ARHGEF28: variants seen among roughly 807,000 people sequenced by gnomAD.
ARHGEF28 encodes 190 kDa guanine nucleotide exchange factor.
ARHGEF28 carries 152 observed loss-of-function variants against 206.6 expected under a neutral mutation model. The ratio of observed to expected loss-of-function variants is 0.74; its 90% CI spans 0.64 to 0.84. The LOEUF is 0.84. Among genes scored for constraint, ARHGEF28 ranks in the 40% least tolerant of loss-of-function variants. ARHGEF28 has a pLI of 0.00. For missense variants in ARHGEF28, 2,028 were observed against 2,073.2 expected (o/e 0.98, Z 0.42); for synonymous variants, 763 against 776.4 (o/e 0.98, Z 0.29).
intron 7 of ARHGEF28, among the ~76,000 whole-genome samples, chr5:73,789,828 A>G (rs1258786184): frequency 6.6e-6 from 1 of 152,112 alleles, no homozygotes; most frequent in Non-Finnish European, 1.5e-5. Context: ...ACAGCTGAGG[A>G]ACCCCAAACT....
chr5:73,743,554 C>T (rs138460806), intron 2 of ARHGEF28, among the ~76,000 whole-genome samples: 79 of 152,262 alleles, frequency 5.2e-4, no homozygotes, highest in African/African-American at 1.9e-3. Flanking sequence ...TCTGATATTT[C>T]CCCCTGGATT....
chr5:73,782,188 C>G (rs1310084809), intron 7 of ARHGEF28, among the ~76,000 whole-genome samples: 1 of 151,096 alleles, frequency 6.6e-6, no homozygotes, highest in African/African-American at 2.4e-5. Context: ...CCTGTAATCC[C>G]AGCACTTTGG....
chr5:73,649,461 T>A (rs747232251), intron 1 of ARHGEF28, among the ~76,000 whole-genome samples: 22 of 152,184 alleles, frequency 1.4e-4, no homozygotes, highest in Non-Finnish European at 2.8e-4. Context: ...AAAACTTTCA[T>A]TGTGGCCCTT....
chr5:73,846,169 C>G lies in ARHGEF28; in HGVS notation c.1428-99C>G, dbSNP rs78289077. 1.7e-3 allele frequency: 1,925 copies of G among 1,110,114 alleles called. 30 individuals carry two copies. The African/African-American group carries it at 0.025, about 14-fold the overall frequency. 68.8% of individuals were successfully genotyped at this position (1,110,114 alleles called of 1,614,324 possible). ...TTAAATGAATACCTATTGCACCCCC[C>G]CCGCCCCAGTGAAAGAATCTGGATT... On this transcript the variant is annotated intron_variant, in intron 11 of 35. Coordinates refer to ENST00000513042, the MANE Select transcript of ARHGEF28 (RefSeq NM_001177693.2).
At chr5:73,895,038 G>A (rs143745602) in intron 29 of ARHGEF28, among the ~76,000 whole-genome samples, 194 of 152,296 alleles carry the variant, frequency 1.3e-3, no homozygotes, top group African/African-American at 4.3e-3. Flanking sequence ...GGTGAGCAGT[G>A]CAGGCGATGA....
At chr5:73,925,724 G>T (rs6453032) in intron 35 of ARHGEF28, among the ~76,000 whole-genome samples, 39,391 of 151,542 alleles carry the variant, frequency 0.26, 7,338 homozygotes, top group East Asian at 0.59. Flanking sequence ...TGCCTTTTGG[G>T]GCCTAGCTTT....
At chr5:73,801,613 G>C (rs1033953649) in intron 9 of ARHGEF28, among the ~76,000 whole-genome samples, 5 of 152,148 alleles carry the variant, frequency 3.3e-5, no homozygotes, top group Admixed American at 2.0e-4. Context: ...AACATGGGAG[G>C]GGGGGACCTT....
chr5:73,918,941 G>A lies in ARHGEF28; in HGVS notation c.4948+7366G>A, dbSNP rs58771254. 7.7e-3 allele frequency among the ~76,000 whole-genome samples: 1,171 copies of A among 152,270 alleles called. 21 individuals are homozygous for A. The highest frequency in any genetic ancestry group is 0.026 in the African/African-American group (1,093 of 41,548). The stretch of plus-strand genomic sequence containing the variant: ...AACATTCTTCTTAGTTGATTCTGAA[G>A]CAGCCAGCCTGACGCATGTCCCCGG... On this transcript the variant is annotated intron_variant, in intron 35 of 35. Transcript: ENST00000513042.
intron 1 of ARHGEF28, among the ~76,000 whole-genome samples, chr5:73,642,987 T>C (rs1744220293): frequency 6.6e-6 from 1 of 152,248 alleles, no homozygotes; most frequent in Admixed American, 6.5e-5. Context: ...TTTATGTCCA[T>C]GACAGCTCCC....
At chr5:73,859,994 T>A (rs535178861) in intron 16 of ARHGEF28, among the ~76,000 whole-genome samples, 2 of 152,380 alleles carry the variant, frequency 1.3e-5, no homozygotes, top group Non-Finnish European at 2.9e-5. Context: ...AGTCACTTTC[T>A]AGTCAAGTCT....
intron 2 of ARHGEF28, among the ~76,000 whole-genome samples, chr5:73,743,035 TATTTG>T (rs1354428042): frequency 6.6e-6 from 1 of 152,168 alleles, no homozygotes; most frequent in East Asian, 1.9e-4. Flanking sequence ...ATTGTTTGTA[TATTTG>T]ATTTAATTAT....
chr5:73,791,855 G>A (rs1289928311), intron 7 of ARHGEF28, among the ~76,000 whole-genome samples: 1 of 152,192 alleles, frequency 6.6e-6, no homozygotes, highest in Non-Finnish European at 1.5e-5. Flanking sequence ...GGGTGGGCTT[G>A]AGGGCAAGAT....
rs560730590 is a variant in ARHGEF28, at chr5:73,768,357, A to G, written c.476-5498A>G. On this transcript the variant is annotated intron_variant, in intron 4 of 35. Transcript: ENST00000513042. ...ACAGACACTCAATATCAGCCCATGA[A>G]AGCAGCTGGGAGGGAGGCTTTACCC... 1.3e-3 allele frequency among the ~76,000 whole-genome samples: 199 copies of G among 152,260 alleles called. 1 individual carries two copies. The highest frequency in any genetic ancestry group is 2.5e-3 in the Non-Finnish European group (171 of 68,024).
chr5:73,725,850 G>C (rs551448327), intron 2 of ARHGEF28, among the ~76,000 whole-genome samples: 1 of 152,198 alleles, frequency 6.6e-6, no homozygotes, highest in Non-Finnish European at 1.5e-5. Context: ...TCTGAGAAGA[G>C]TTTAAAGATT....
chr5:73,751,896 G>C (rs910923319), intron 3 of ARHGEF28, among the ~76,000 whole-genome samples: 1 of 151,950 alleles, frequency 6.6e-6, no homozygotes, highest in East Asian at 1.9e-4. Flanking sequence ...TTCTGTGCCC[G>C]TACCATGAGA....
chr5:73,872,257 A>T (rs777129372), intron 21 of ARHGEF28, among the ~76,000 whole-genome samples: 2 of 152,018 alleles, frequency 1.3e-5, no homozygotes, highest in South Asian at 2.1e-4. Flanking sequence ...GCATCTTTTC[A>T]TGTTCTTATT....
intron 20 of ARHGEF28, among the ~76,000 whole-genome samples, chr5:73,868,758 T>C (rs920140630): frequency 6.6e-6 from 1 of 152,138 alleles, no homozygotes; most frequent in Non-Finnish European, 1.5e-5. Flanking sequence ...GCGATTCTCC[T>C]GCCACAGCCT....
At chr5:73,716,052 G>A (rs561174105) in intron 2 of ARHGEF28, among the ~76,000 whole-genome samples, 2 of 152,294 alleles carry the variant, frequency 1.3e-5, no homozygotes, top group African/African-American at 4.8e-5. Flanking sequence ...AAAACTATAG[G>A]TTTGTTTTGG....
chr5:73,709,787 C>G (rs969805243), intron 2 of ARHGEF28, among the ~76,000 whole-genome samples: 7 of 152,226 alleles, frequency 4.6e-5, no homozygotes, highest in African/African-American at 1.7e-4. Flanking sequence ...CAGTGGTATA[C>G]TGAGTTGGTC....
Sources: allele counts gnomAD v4.1 joint callset (sites outside exome capture counted in the v4.1 genomes callset), GRCh38; gene constraint gnomAD v4.1.1; transcripts MANE v1.5; gene names NCBI Gene and HGNC (gene_info 2026-07-23, HGNC 2026-07-21).